The following EDA variants were observed in gnomAD, a reference collection of about 807,000 sequenced individuals.
EDA encodes ectodysplasin-A.
EDA carries 2 observed loss-of-function variants against 23.6 expected under a neutral mutation model. The observed-to-expected ratio is 0.08, with a 90% CI of 0.03 to 0.27. The LOEUF (loss-of-function observed/expected upper bound fraction) is 0.27. Ranked by LOEUF, EDA falls within the 10% of genes least tolerant of loss-of-function variation. The pLI, the probability that EDA is intolerant of heterozygous loss-of-function variation, is 1.00. For missense variants in EDA, 229 were observed against 324.2 expected (o/e 0.71, Z 2.26); for synonymous variants, 131 against 132.0 (o/e 0.99, Z 0.05).
intron 1 of EDA, among the ~76,000 whole-genome samples, chrX:69,913,623 T>C (rs1159468218): frequency 8.9e-6 from 1 of 112,540 alleles, no homozygotes; most frequent in Non-Finnish European, 1.9e-5. Flanking sequence ...ATCATTTGTG[T>C]GTTCATTGGA....
chrX:69,990,227 G>A lies in EDA; in HGVS notation c.503-32991G>A, dbSNP rs189839445. ...AGCTTTTTGTGACACTGTCTGGTAG[G>A]CGTAGAGGGGCTGCCACCTCATTAC... is the stretch of plus-strand genomic sequence containing the variant. On this transcript the variant is annotated intron_variant, in intron 2 of 7. Transcript: ENST00000374552. Among the ~76,000 whole-genome samples the A allele has an allele frequency of 5.4e-5, 6 of 110,734 alleles. No homozygotes were observed. In the East Asian group the frequency reaches 1.4e-3, roughly 26 times the overall value.
chrX:69,728,343 A>G (rs1038167590), intron 1 of EDA, among the ~76,000 whole-genome samples: 1 of 111,833 alleles, frequency 8.9e-6, no homozygotes, highest in Non-Finnish European at 1.9e-5. Flanking sequence ...ACGAACACAG[A>G]AGAGTGGTTA....
rs1569272277 is a variant in EDA at position 69,616,542 on chromosome X, T to C, written c.234T>C (p.Leu78=). 2 of 1,211,493 alleles carry C rather than the reference T, an allele frequency of 1.7e-6. No individual in the cohort carries two copies. Among genetic ancestry groups the C allele is most frequent in the Non-Finnish European group, 1.1e-6 (1 of 895,283 alleles). ...GGGAACGTGGAGCCGAGTCCCGCCT[T>C]GGCGGCTCGGGCACCCCTGGCACCT... ...LRRERGAESR[L]GGSGTPGTSG... The change falls in exon 1 of 8, where the codon CTT becomes CTC. Residue 78 remains leucine, a synonymous_variant. Coordinates refer to ENST00000374552, the MANE Select transcript of EDA (RefSeq NM_001399.5).
At chrX:69,868,240 A>G (rs1026647225) in intron 1 of EDA, among the ~76,000 whole-genome samples, 22 of 112,049 alleles carry the variant, frequency 2.0e-4, no homozygotes, top group African/African-American at 7.1e-4. Flanking sequence ...CCTGTTGCAG[A>G]ATCTTCTCCT....
In EDA at chrX:69,820,921, A is replaced by G. The variant is rs748709635; in HGVS notation, c.397-136106A>G. 8.0e-5 allele frequency among the ~76,000 whole-genome samples: 9 copies of G among 111,809 alleles called. No homozygotes were observed. In the East Asian group the frequency reaches 2.6e-3, roughly 32 times the overall value. On this transcript the variant is annotated intron_variant, in intron 1 of 7. Transcript: ENST00000374552. ...AAAGGAATATAAATCATTCTATTATAAAGATACATGCACACATATGTTCTT... is the reference window on the plus strand; with the variant it reads ...AAAGGAATATAAATCATTCTATTATGAAGATACATGCACACATATGTTCTT...
intron 1 of EDA, among the ~76,000 whole-genome samples, chrX:69,745,056 C>T (rs2013576895): frequency 9.0e-6 from 1 of 111,720 alleles, no homozygotes; most frequent in Admixed American, 9.5e-5. Flanking sequence ...TTCTCTATTA[C>T]TTAAAATTTT....
chrX:70,027,470 G>C (rs1257026207), intron 3 of EDA, among the ~76,000 whole-genome samples: 2 of 111,719 alleles, frequency 1.8e-5, no homozygotes, highest in African/African-American at 6.5e-5. Flanking sequence ...AGCTGACTTT[G>C]TGTCCTCAGA....
chrX:69,955,223 G>C (rs2018982543), intron 1 of EDA, among the ~76,000 whole-genome samples: 1 of 111,606 alleles, frequency 9.0e-6, no homozygotes, highest in African/African-American at 3.3e-5. Context: ...TTATTATGTT[G>C]ATTGTATGAG....
At position 69,932,885 on chromosome X, in the gene EDA, T is replaced by C. The variant is rs758507432; in HGVS notation, c.397-24142T>C. On this transcript the variant is annotated intron_variant, in intron 1 of 7. Transcript: ENST00000374552. ...GTAATTTAATAAATGAGGCTATAAC[T>C]CACTTATACTATCTCTTGTCCCAAT... Among the ~76,000 whole-genome samples, 40 of 111,496 alleles carry C rather than the reference T, an allele frequency of 3.6e-4. No individual in the cohort carries two copies. The East Asian group carries it at 0.011, about 30-fold the overall frequency.
intron 1 of EDA, among the ~76,000 whole-genome samples, chrX:69,782,997 T>G (rs956074687): frequency 5.4e-5 from 6 of 111,780 alleles, no homozygotes; most frequent in Non-Finnish European, 1.1e-4. Flanking sequence ...GTCACAGAAA[T>G]AGTCATATTT....
intron 2 of EDA, among the ~76,000 whole-genome samples, chrX:69,998,146 A>G (rs111911530): frequency 0.094 from 10,507 of 111,773 alleles, 1,161 homozygotes; most frequent in African/African-American, 0.32. Context: ...TGGAAAAGCC[A>G]CAGACACTCA....
At chrX:69,757,534 T>C (rs114371308) in intron 1 of EDA, among the ~76,000 whole-genome samples, 222 of 112,430 alleles carry the variant, frequency 2.0e-3, no homozygotes, top group African/African-American at 6.3e-3. Context: ...CCTAATGTAG[T>C]TCATATCTCT....
intron 1 of EDA, among the ~76,000 whole-genome samples, chrX:69,847,818 T>C (rs2017040403): frequency 8.9e-6 from 1 of 111,855 alleles, no homozygotes; most frequent in Non-Finnish European, 1.9e-5. Context: ...TTCTCTGGGA[T>C]AAATACATAG....
At chrX:69,755,650 C>T (rs1449747042) in intron 1 of EDA, among the ~76,000 whole-genome samples, 3 of 112,702 alleles carry the variant, frequency 2.7e-5, no homozygotes, top group African/African-American at 9.7e-5. Flanking sequence ...CAGCTATGCC[C>T]TACCCCCAGA....
intron 1 of EDA, among the ~76,000 whole-genome samples, chrX:69,717,298 A>G (rs5980839): frequency 0.063 from 7,046 of 111,021 alleles, 498 homozygotes; most frequent in African/African-American, 0.21. Context: ...GCATTTTATA[A>G]TGTTCAGTAT....
chrX:69,914,819 A>G (rs2018317930), intron 1 of EDA, among the ~76,000 whole-genome samples: 1 of 111,953 alleles, frequency 8.9e-6, no homozygotes, highest in African/African-American at 3.2e-5. Flanking sequence ...CTCTCCTCAT[A>G]TAATACCAAT....
chrX:69,803,746 C>T (rs776312227), intron 1 of EDA, among the ~76,000 whole-genome samples: 3 of 110,397 alleles, frequency 2.7e-5, no homozygotes, highest in Non-Finnish European at 5.7e-5. Flanking sequence ...GTGTAGAATA[C>T]TAGAACTTAT....
chrX:69,932,510 T>C (rs2018612389), intron 1 of EDA, among the ~76,000 whole-genome samples: 1 of 111,525 alleles, frequency 9.0e-6, no homozygotes, highest in African/African-American at 3.3e-5. Context: ...GGGCTATTCT[T>C]TAGTTGGCTT....
In EDA at chrX:69,679,212, G is replaced by A. The variant is rs1345007071; in HGVS notation, c.396+62508G>A. Among the ~76,000 whole-genome samples, 186 of 107,622 alleles carry A rather than the reference G, an allele frequency of 1.7e-3. 1 individual carries two copies. The highest frequency in any genetic ancestry group is 6.0e-3 in the African/African-American group (176 of 29,503). The allele number at this position is 107,622 out of a possible 115,157, so 93.5% of individuals were successfully genotyped here. ...GGATAAGCTTTTTGATGTGCTGCTGGATTCGGTTTGCCAGTATTTTATTGA... is the reference window on the plus strand; with the variant it reads ...GGATAAGCTTTTTGATGTGCTGCTGAATTCGGTTTGCCAGTATTTTATTGA... On this transcript the variant is annotated intron_variant, in intron 1 of 7. Coordinates refer to ENST00000374552, the MANE Select transcript of EDA (RefSeq NM_001399.5).
Sources: allele counts gnomAD v4.1 joint callset (sites outside exome capture counted in the v4.1 genomes callset), GRCh38; gene constraint gnomAD v4.1.1; transcripts MANE v1.5; gene names NCBI Gene and HGNC (gene_info 2026-07-23, HGNC 2026-07-21).